The following PLK4 variants were observed in gnomAD, a reference collection of about 807,000 sequenced individuals.
PLK4 encodes serine/threonine-protein kinase PLK4.
A neutral mutation model predicts 103.0 loss-of-function variants in PLK4; 51 were observed. The observed-to-expected ratio is 0.50, with a 90% CI of 0.40 to 0.63. The LOEUF is 0.63. Ranked by LOEUF, PLK4 falls within the 20% of genes least tolerant of loss-of-function variation. The pLI is 0.00. For synonymous variants in PLK4, 389 were observed against 376.8 expected (o/e 1.03, Z -0.38); for missense variants, 1,054 against 1,151.0 (o/e 0.92, Z 1.22).
intron 15 of PLK4, among the ~76,000 whole-genome samples, chr4:127,897,962 C>T (rs979322480): frequency 6.7e-6 from 1 of 150,144 alleles, no homozygotes; most frequent in African/African-American, 2.5e-5. Flanking sequence ...CCTCAGCCTC[C>T]TGAGTAGCTG....
Position 127,891,523 on chromosome 4 carries a change from TA to T in PLK4, c.1936-55del, listed in dbSNP as rs1735358471. 3 of 668,122 alleles carry T rather than the reference TA, an allele frequency of 4.5e-6. No individual in the cohort carries two copies. In the African/African-American group the frequency reaches 5.5e-5, roughly 12 times the overall value. 41.4% of individuals were successfully genotyped at this position (668,122 alleles called of 1,614,324 possible). On this transcript the variant is annotated intron_variant, in intron 8 of 15. Coordinates refer to ENST00000270861, the MANE Select transcript of PLK4 (RefSeq NM_014264.5). ...ACACTTTGTATACGTTTTAGCAAGATATAGTACTGGAACTTAATGGCATGTA... is the reference window on the plus strand; with the variant it reads ...ACACTTTGTATACGTTTTAGCAAGATTAGTACTGGAACTTAATGGCATGTA...
At chr4:127,892,305 A>G (rs907032039) in intron 9 of PLK4, 60 bp from the exon 10 acceptor site, 26 of 1,110,688 alleles carry the variant, frequency 2.3e-5, no homozygotes, top group Non-Finnish European at 3.3e-5. Context: ...CAATAAATAG[A>G]TAAAACTGTA....
In PLK4 at chr4:127,881,104, A is replaced by C. The variant is rs1358554049; in HGVS notation, c.-31A>C. 1 of 1,613,440 alleles carries C rather than the reference A, an allele frequency of 6.2e-7. No homozygotes were observed. The highest frequency in any genetic ancestry group is 8.5e-7 in the Non-Finnish European group (1 of 1,179,690). On this transcript the variant is annotated 5_prime_UTR_variant, in exon 1 of 16. Transcript: ENST00000270861. ...CGAAGGGACTGCGTGAAGGAAGCTA[A>C]TCCGGAGAACCCAGGCCAGAGCCTG...
rs1017915734 is a variant in PLK4, at chr4:127,895,997, GACTTCTGAGCCTGACACATGTACTTTT to G, written c.2704-799_2704-773del. Among the ~76,000 whole-genome samples the G allele has an allele frequency of 2.6e-5, 4 of 152,180 alleles. No individual in the cohort carries two copies. In the East Asian group the frequency reaches 7.7e-4, roughly 29 times the overall value. On this transcript the variant is annotated intron_variant, in intron 14 of 15. Transcript: ENST00000270861. ...TATCTAAAATCTTGAAACTTGGAGA[GACTTCTGAGCCTGACACATGTACTTTT>G]ACTTAACAGTGAAGTAAATGCAACC...
intron 14 of PLK4, among the ~76,000 whole-genome samples, 152 bp from the exon 15 acceptor site, chr4:127,896,645 TAGAG>T (rs969417223): frequency 2.6e-5 from 4 of 152,168 alleles, no homozygotes; most frequent in African/African-American, 9.7e-5. Context: ...TGTAGTCACT[TAGAG>T]AGTTTTTTTT....
At position 127,898,210 on chromosome 4, in the gene PLK4, C is replaced by T. The variant is rs183985740; in HGVS notation, c.2811-229C>T. ...AATTACGAAGCCAGTTCAAGTTTATCTAATTTTCCTTCTGTTACTTAAATG... is the reference window on the plus strand; with the variant it reads ...AATTACGAAGCCAGTTCAAGTTTATTTAATTTTCCTTCTGTTACTTAAATG... On this transcript the variant is annotated intron_variant, in intron 15 of 15. Transcript: ENST00000270861. Among the ~76,000 whole-genome samples, 416 of 152,228 alleles carry T rather than the reference C, an allele frequency of 2.7e-3. 3 individuals are homozygous for T. Among genetic ancestry groups the T allele is most frequent in the South Asian group, 0.011 (54 of 4,824 alleles).
At chr4:127,887,327 A>G in intron 5 of PLK4, 69 bp from the exon 6 acceptor site, 1 of 803,744 alleles carries the variant, frequency 1.2e-6, no homozygotes, top group East Asian at 2.7e-5. Context: ...CTTCTCTAAT[A>G]TTTTTACCTT....
chr4:127,892,327 CACTT>C (rs2148822342), intron 9 of PLK4, 34 bp from the exon 10 acceptor site: 1 of 1,360,212 alleles, frequency 7.4e-7, no homozygotes, highest in East Asian at 2.4e-5. Flanking sequence ...GTCAGGTCAA[CACTT>C]TCTTCCCTAA....
At chr4:127,894,108 T>C (rs1735470827) in intron 13 of PLK4, among the ~76,000 whole-genome samples, 1 of 152,208 alleles carries the variant, frequency 6.6e-6, no homozygotes, top group South Asian at 2.1e-4. Flanking sequence ...CCTGGAACTC[T>C]TTTCCCCAAC....
Position 127,881,084 on chromosome 4 carries a change from G to T in PLK4, c.-51G>T. The T allele has an allele frequency of 6.2e-7, 1 of 1,607,184 alleles. No individual in the cohort carries two copies. Among genetic ancestry groups the T allele is most frequent in the Non-Finnish European group, 8.5e-7 (1 of 1,174,136 alleles). On this transcript the variant is annotated 5_prime_UTR_variant, in exon 1 of 16. Coordinates refer to ENST00000270861, the MANE Select transcript of PLK4 (RefSeq NM_014264.5). ...GGCTGCTTGGAGCGCTGCCTCGAAG[G>T]GACTGCGTGAAGGAAGCTAATCCGG...
At position 127,886,079 on chromosome 4, in the gene PLK4, G is replaced by C; in HGVS notation, c.709G>C (p.Glu237Gln). ...DYEMPSFLSI[E>Q]AKDLIHQLLR... ...TGAAATGCCATCTTTTTTGTCAATA[G>C]AGGCCAAGGACCTTATTCACCAGTT... Residue 237 changes from glutamate to glutamine, a missense_variant, in exon 5 of 16, where the codon GAG becomes CAG. By Grantham distance (29) the Glu-to-Gln change is conservative. Around this residue, in one of 4 missense-constraint regions of PLK4, gnomAD observed 680 missense variants for 660.3 expected, o/e 1.03. Transcript: ENST00000270861. 1 of 1,614,136 alleles carries C rather than the reference G, an allele frequency of 6.2e-7. No homozygotes were observed. Among genetic ancestry groups the C allele is most frequent in the Non-Finnish European group, 8.5e-7 (1 of 1,179,982 alleles).
At position 127,893,426 on chromosome 4, in the gene PLK4, C is replaced by T. The variant is rs746586536; in HGVS notation, c.2322+8C>T. 3 of 1,602,200 alleles carry T rather than the reference C, an allele frequency of 1.9e-6. No individual in the cohort carries two copies. The highest frequency in any genetic ancestry group is 2.6e-6 in the Non-Finnish European group (3 of 1,173,948). On this transcript the variant is annotated splice_region_variant and intron_variant, in intron 11 of 15. Coordinates refer to ENST00000270861, the MANE Select transcript of PLK4 (RefSeq NM_014264.5). Reference sequence around the variant, plus strand: ...ATGGACCATGCTAATGAGGTACATACCTAATTGTAGGTTTTTCATACCAAT... The same window carrying T: ...ATGGACCATGCTAATGAGGTACATATCTAATTGTAGGTTTTTCATACCAAT...
intron 10 of PLK4, 184 bp from the exon 11 acceptor site, chr4:127,893,101 G>A: frequency 2.3e-6 from 1 of 441,156 alleles, no homozygotes; most frequent in Non-Finnish European, 4.0e-6. Flanking sequence ...ATATATGTTG[G>A]GAAAAAAATG....
chr4:127,886,482 G>T lies in PLK4; in HGVS notation c.1112G>T (p.Arg371Leu). Residue 371 changes from arginine to leucine, a missense_variant, in exon 5 of 16, where the codon CGA becomes CTA. Arg to Leu is a moderately radical substitution (Grantham distance 102, BLOSUM62 -2). This residue lies in a region of PLK4 where 680 missense variants were observed against 660.3 expected (regional missense o/e 1.03). Coordinates refer to ENST00000270861, the MANE Select transcript of PLK4 (RefSeq NM_014264.5). ...GATGCAGAAGAAAGGCCACATTCTC[G>T]ATACCTTCGTAGAGCTTATTCCTCT... ...IQDAEERPHS[R>L]YLRRAYSSDR... is the part of the protein sequence containing the mutation. 3 of 1,614,024 alleles carry T rather than the reference G, an allele frequency of 1.9e-6. No homozygotes were observed. Among genetic ancestry groups the T allele is most frequent in the Non-Finnish European group, 2.5e-6 (3 of 1,179,916 alleles).
chr4:127,890,989 A>G (rs1735333341), intron 7 of PLK4, 103 bp from the exon 8 acceptor site: 1 of 600,996 alleles, frequency 1.7e-6, no homozygotes, highest in Non-Finnish European at 2.9e-6. Flanking sequence ...TGACTTCAAT[A>G]TTTGTTTCTG....
chr4:127,888,228 C>T (rs918637031), intron 6 of PLK4, among the ~76,000 whole-genome samples: 4 of 116,694 alleles, frequency 3.4e-5, no homozygotes, highest in African/African-American at 1.2e-4. Context: ...TTCAGTACGT[C>T]TCAATAAAGC....
chr4:127,888,066 C>G (rs1486385890), intron 6 of PLK4, among the ~76,000 whole-genome samples: 1 of 148,622 alleles, frequency 6.7e-6, no homozygotes, highest in Non-Finnish European at 1.5e-5. Flanking sequence ...TGTAATCCCA[C>G]CTACTCGGAT....
chr4:127,881,866 A>G lies in PLK4; in HGVS notation c.66A>G (p.Ser22=), dbSNP rs144854747. 5 of 1,610,516 alleles carry G rather than the reference A, an allele frequency of 3.1e-6. No individual in the cohort carries two copies. Among genetic ancestry groups the G allele is most frequent in the East Asian group, 2.2e-5 (1 of 44,846 alleles). Residue 22 remains serine (S), a synonymous_variant, in exon 2 of 16, where the codon TCA becomes TCG. Transcript: ENST00000270861. ...TTGGAAATCTGCTTGGTAAAGGATC[A>G]TTTGCTGGTGTCTACAGAGCTGAGT... ...FKVGNLLGKG[S]FAGVYRAESI... is the part of the protein sequence containing the mutation.
rs377418001 is a variant in PLK4, at chr4:127,889,991, G to C, written c.1585G>C (p.Asp529His). The stretch of plus-strand genomic sequence containing the variant: ...TGATACAAAAGTCAAAAAGAACTCT[G>C]ATGCTTCTGATAATGCACATTCTGT... ...WTDTKVKKNS[D>H]ASDNAHSVKQ... Residue 529 changes from aspartate to histidine, a missense_variant, in exon 7 of 16, where the codon GAT becomes CAT. Asp to His is a moderately conservative substitution (Grantham distance 81, BLOSUM62 -1). Transcript: ENST00000270861. 6.2e-7 allele frequency: 1 copy of C among 1,614,010 alleles called. No homozygotes were observed. The highest frequency in any genetic ancestry group is 1.1e-5 in the South Asian group (1 of 91,076).
Sources: gnomAD v4.1 joint callset for allele counts (sites outside exome capture counted in the v4.1 genomes callset) on GRCh38, gnomAD v4.1.1 for gene constraint, gnomAD v4.1.1 regional missense constraint, MANE v1.5 for transcripts, NCBI Gene and HGNC (gene_info 2026-07-23, HGNC 2026-07-21) for gene names.